The following FGD1 variants were observed in gnomAD, a reference collection of about 807,000 sequenced individuals.
FGD1 encodes FYVE, RhoGEF and PH domain containing 1.
Under a neutral mutation model 65.0 loss-of-function variants are expected in FGD1, and 12 were observed. The ratio of observed to expected loss-of-function variants is 0.18; its 90% confidence interval spans 0.12 to 0.30. FGD1 has a LOEUF of 0.30. Ranked by LOEUF, FGD1 falls within the 10% of genes least tolerant of loss-of-function variation. The pLI, the probability that FGD1 is intolerant of heterozygous loss-of-function variation, is 1.00. For missense variants in FGD1, 542 were observed against 837.6 expected (o/e 0.65, Z 4.36); for synonymous variants, 333 against 343.9 (o/e 0.97, Z 0.35).
Position 54,470,688 on chromosome X carries a change from G to A in FGD1, c.554C>T (p.Ser185Leu). 1.1e-6 allele frequency: 1 copy of A among 952,163 alleles called. No individual in the cohort carries two copies. Among genetic ancestry groups the A allele is most frequent in the Non-Finnish European group, 1.5e-6 (1 of 680,314 alleles). 78.5% of individuals were successfully genotyped at this position (952,163 alleles called of 1,213,427 possible). A position where few individuals can be genotyped will look rare whatever the true frequency, so the allele number is the denominator to read the frequency against. Residue 185 changes from serine to leucine, a missense_variant, in exon 3 of 18, where the codon TCA (serine) becomes TTA (leucine). By Grantham distance (145) the Ser-to-Leu change is moderately radical. Around this residue, in one of 6 missense-constraint regions of FGD1, gnomAD observed 297 missense variants for 326.8 expected, o/e 0.91. Coordinates refer to ENST00000375135, the MANE Select transcript of FGD1 (RefSeq NM_004463.3). ...PPLEPIPPPP[S>L]RPLPADPRVA... ...TCGGGGGTCGGCAGGCAGTGGGCGT[G>A]ATGGTGGAGGGGGGATGGGCTCCAG...
chrX:54,452,674 AG>A (rs1363519791), intron 12 of FGD1, among the ~76,000 whole-genome samples: 7 of 111,499 alleles, frequency 6.3e-5, no homozygotes, highest in Admixed American at 3.8e-4. Context: ...TGAACCCGGG[AG>A]GTGGAGGTTG....
rs760886605 is a variant in FGD1 at position 54,468,042 on chromosome X, TCTTGAGA to T, written c.1192-117_1192-111del. On this transcript the variant is annotated intron_variant, in intron 5 of 17. Transcript: ENST00000375135. ...TGTGGAGCTTTGGGATCAGCATTGG[TCTTGAGA>T]CTGAGGAGACAGGGAATGGGGTTAG... 11 of 687,625 alleles carry T rather than the reference TCTTGAGA, an allele frequency of 1.6e-5. No homozygotes were observed. The South Asian group carries it at 2.4e-4, about 15-fold the overall frequency. 56.7% of individuals were successfully genotyped at this position (687,625 alleles called of 1,213,427 possible). A position where few individuals can be genotyped will look rare whatever the true frequency, so the allele number is the denominator to read the frequency against.
chrX:54,482,244 A>G (rs1222276723), intron 1 of FGD1, among the ~76,000 whole-genome samples: 4 of 111,368 alleles, frequency 3.6e-5, no homozygotes, highest in East Asian at 2.9e-4. Context: ...GCGCACACAC[A>G]CACACACACA....
chrX:54,447,146 C>G (rs749483864), intron 17 of FGD1, among the ~76,000 whole-genome samples, 165 bp downstream of exon 17: 3 of 112,289 alleles, frequency 2.7e-5, no homozygotes, highest in Admixed American at 9.5e-5. Context: ...CTCCTTGTCT[C>G]TAGCCAGTCT....
Position 54,495,278 on chromosome X carries a change from A to G in FGD1, c.155T>C (p.Leu52Pro), listed in dbSNP as rs760870145. ...LLARRGSGSA[L>P]GGPLDPQFVG... ...AAACTGGGGATCCAGTGGGCCGCCA[A>G]GAGCCGAACCTGAGCCCCTGCGCGC... The change falls in exon 1 of 18, where the codon CTT (leucine) becomes CCT (proline). Residue 52 changes from leucine (L) to proline (P), a missense_variant. By Grantham distance (98) the Leu-to-Pro change is moderately conservative. Coordinates refer to ENST00000375135, the MANE Select transcript of FGD1 (RefSeq NM_004463.3). The G allele has an allele frequency of 6.7e-6, 8 of 1,190,530 alleles. No individual in the cohort carries two copies. Among genetic ancestry groups the G allele is most frequent in the Non-Finnish European group, 9.0e-6 (8 of 886,037 alleles).
intron 1 of FGD1, among the ~76,000 whole-genome samples, chrX:54,485,331 G>C (rs1446096651): frequency 9.0e-6 from 1 of 111,521 alleles, no homozygotes; most frequent in Non-Finnish European, 1.9e-5. Flanking sequence ...CCTCAACAGA[G>C]AGAACACTGG....
At chrX:54,493,824 A>T (rs17002528) in intron 1 of FGD1, among the ~76,000 whole-genome samples, 3 of 111,428 alleles carry the variant, frequency 2.7e-5, no homozygotes, top group African/African-American at 9.9e-5. Context: ...AAGGTCATGA[A>T]GGCACCAAAA....
At chrX:54,478,471 G>A (rs1019954777) in intron 1 of FGD1, among the ~76,000 whole-genome samples, 1 of 110,182 alleles carries the variant, frequency 9.1e-6, no homozygotes, top group Non-Finnish European at 1.9e-5. Flanking sequence ...CATGATCACT[G>A]ACTGAACTGC....
chrX:54,469,277 A>T (rs776679442), intron 4 of FGD1, among the ~76,000 whole-genome samples: 3 of 112,429 alleles, frequency 2.7e-5, no homozygotes, highest in African/African-American at 9.7e-5. Context: ...AGATAATAAT[A>T]GAATCTATTT....
At chrX:54,483,304 G>C in intron 1 of FGD1, among the ~76,000 whole-genome samples, 1 of 112,223 alleles carries the variant, frequency 8.9e-6, no homozygotes, top group African/African-American at 3.2e-5. Context: ...CATTAGGTAG[G>C]GGGGTCCCCC....
chrX:54,470,082 C>T lies in FGD1; in HGVS notation c.1035G>A (p.Glu345=). 8.3e-7 allele frequency: 1 copy of T among 1,208,266 alleles called. No individual in the cohort carries two copies. Residue 345 remains glutamate (E), a synonymous_variant, in exon 4 of 18, where the codon GAG becomes GAA. Coordinates refer to ENST00000375135, the MANE Select transcript of FGD1 (RefSeq NM_004463.3). ...CTCTGTCCTTCTCTTCCTCCTCCTC[C>T]TCGTCGTCCTCCTCCTCCAGGTCAC... is the stretch of plus-strand genomic sequence containing the variant. ...VDSDLEEEDD[E]EEEEEKDREI...
chrX:54,450,426 C>T (rs1055001282), intron 12 of FGD1, 125 bp from the exon 13 acceptor site: 6 of 608,326 alleles, frequency 9.9e-6, no homozygotes, highest in South Asian at 4.8e-5. Flanking sequence ...TCACCTATTA[C>T]TTATATGACC....
chrX:54,454,072 G>T (rs954765305), intron 12 of FGD1, among the ~76,000 whole-genome samples: 3 of 111,430 alleles, frequency 2.7e-5, no homozygotes, highest in Non-Finnish European at 5.6e-5. Context: ...TTTATATTTT[G>T]CCATATTTAC....
intron 1 of FGD1, among the ~76,000 whole-genome samples, chrX:54,485,327 C>G (rs1319472517): frequency 1.8e-5 from 2 of 111,606 alleles, no homozygotes; most frequent in East Asian, 5.6e-4. Flanking sequence ...ATGCCCTCAA[C>G]AGAGAGAACA....
At chrX:54,467,676 C>A in intron 6 of FGD1, 108 bp downstream of exon 6, 1 of 900,759 alleles carries the variant, frequency 1.1e-6, no homozygotes, top group Middle Eastern at 3.1e-4. Flanking sequence ...TTTCAAAAGT[C>A]ACTAAGAGGA....
rs1397655152 is a variant in FGD1, at chrX:54,468,858, C to G, written c.1120G>C (p.Val374Leu). 3.3e-6 allele frequency: 4 copies of G among 1,202,084 alleles called. No individual in the cohort carries two copies. Among genetic ancestry groups the G allele is most frequent in the East Asian group, 3.0e-5 (1 of 33,807 alleles). ...AGGAGCTCATTGGCAATGTGAAACACCTTTTGCTGCACAGTCAACTGGAAA... is the reference window on the plus strand; with the variant it reads ...AGGAGCTCATTGGCAATGTGAAACAGCTTTTGCTGCACAGTCAACTGGAAA... ...ESVELTVQQK[V>L]FHIANELLQT... The change falls in exon 5 of 18, where the codon GTG becomes CTG. Residue 374 changes from valine (V) to leucine (L), a missense_variant. Transcript: ENST00000375135.
At chrX:54,449,528 C>T in intron 14 of FGD1, 131 bp downstream of exon 14, 1 of 541,631 alleles carries the variant, frequency 1.8e-6, no homozygotes, top group Non-Finnish European at 3.2e-6. Context: ...TGGAAGACTG[C>T]TTCTGAAGTC....
In FGD1 at chrX:54,495,080, C is replaced by T. The variant is rs1236898883; in HGVS notation, c.307+46G>A. ...GAGAACAAGAACCCGCTCCCAGTAC[C>T]AGGCCCGTGGCCCGGGCTCCCATGC... On this transcript the variant is annotated intron_variant, in intron 1 of 17. Coordinates refer to ENST00000375135, the MANE Select transcript of FGD1 (RefSeq NM_004463.3). The T allele has an allele frequency of 1.5e-5, 17 of 1,140,264 alleles. No individual in the cohort carries two copies. The East Asian group carries it at 4.2e-4, about 28-fold the overall frequency. The allele number at this position is 1,140,264 out of a possible 1,213,427, so 94.0% of individuals were successfully genotyped here.
chrX:54,471,389 C>G lies in FGD1; in HGVS notation c.406G>C (p.Asp136His). ...GGGGTTTCAGTCGGGGGACCTGGGT[C>G]TGAGCGAAGCCGCTGGGGACCTTCT... ...HPEGPQRLRS[D>H]PGPPTETPSQ... The change falls in exon 2 of 18, where the codon GAC becomes CAC. Residue 136 changes from aspartate (D) to histidine (H), a missense_variant. Physicochemically the swap from Asp to His is moderately conservative, Grantham distance 81. Transcript: ENST00000375135. 1 of 1,211,276 alleles carries G rather than the reference C, an allele frequency of 8.3e-7. No individual in the cohort carries two copies. Among genetic ancestry groups the G allele is most frequent in the South Asian group, 1.8e-5 (1 of 57,002 alleles).
Sources: gnomAD v4.1 joint callset for allele counts (sites outside exome capture counted in the v4.1 genomes callset) on GRCh38, gnomAD v4.1.1 for gene constraint, gnomAD v4.1.1 regional missense constraint, MANE v1.5 for transcripts, NCBI Gene and HGNC (gene_info 2026-07-23, HGNC 2026-07-21) for gene names.